SPTBN1: variants seen among roughly 807,000 people sequenced by gnomAD.
SPTBN1 encodes the protein spectrin beta, non-erythrocytic 1.
A neutral mutation model predicts 266.4 loss-of-function variants in SPTBN1; 32 were observed. The observed-to-expected ratio is 0.12, with a 90% CI of 0.09 to 0.16. The LOEUF (loss-of-function observed/expected upper bound fraction) is 0.16. Among genes scored for constraint, SPTBN1 ranks in the 10% least tolerant of loss-of-function variants. SPTBN1 has a pLI of 1.00. For synonymous variants in SPTBN1, 1,336 were observed against 1,162.2 expected, an observed-to-expected ratio of 1.15 and a Z score of -3.04; for missense variants, 2,296 against 3,067.1, an observed-to-expected ratio of 0.75 and a Z score of 5.94.
At chr2:54,526,696 G>C in intron 2 of SPTBN1, 130 bp downstream of exon 2, 1 of 1,169,072 alleles carries the variant, frequency 8.6e-7, no homozygotes, top group Non-Finnish European at 1.1e-6. Context: ...ATGTGTCCTT[G>C]AGAGCCAGCT....
intron 32 of SPTBN1, chr2:54,661,868 A>G (rs1681070316): frequency 2.0e-6 from 2 of 985,324 alleles, no homozygotes; most frequent in African/African-American, 3.5e-5. Flanking sequence ...TGATGTTCTT[A>G]GCATTTGCTA....
rs1220933022 is a variant in SPTBN1 at position 54,465,637 on chromosome 2, CTCAT to C, written c.-48+9120_-48+9123del. On this transcript the variant is annotated intron_variant, in intron 1 of 35. Transcript: ENST00000356805. ...TATGATGCATACATATCATGTTTATCTCATATATATATATATATATATATATATA... is the reference window on the plus strand; with the variant it reads ...TATGATGCATACATATCATGTTTATCATATATATATATATATATATATATA... Among the ~76,000 whole-genome samples the C allele has an allele frequency of 9.4e-3, 843 of 89,728 alleles. 19 individuals carry two copies. The highest frequency in any genetic ancestry group is 0.035 in the African/African-American group (775 of 22,444). 58.9% of individuals were successfully genotyped at this position (89,728 alleles called of 152,430 possible). A position where few individuals can be genotyped will look rare whatever the true frequency, so the allele number is the denominator to read the frequency against.
intron 3 of SPTBN1, among the ~76,000 whole-genome samples, chr2:54,606,734 G>A (rs1676868596): frequency 6.6e-6 from 1 of 152,158 alleles, no homozygotes; most frequent in Non-Finnish European, 1.5e-5. Context: ...GTGACTGCTG[G>A]CGGGGAGAGC....
intron 2 of SPTBN1, among the ~76,000 whole-genome samples, chr2:54,571,404 G>A (rs4671960): frequency 0.73 from 111,548 of 151,980 alleles, 41,561 homozygotes; most frequent in African/African-American, 0.86. Flanking sequence ...AGAGGATGAC[G>A]AGTTCACCGT....
In SPTBN1 at chr2:54,524,826, A is replaced by G. The variant is rs1034942965; in HGVS notation, c.-47-1546A>G. 2.0e-5 allele frequency among the ~76,000 whole-genome samples: 3 copies of G among 152,174 alleles called. No homozygotes were observed. The East Asian group carries it at 5.8e-4, about 29-fold the overall frequency. On this transcript the variant is annotated intron_variant, in intron 1 of 35. Transcript: ENST00000356805. Reference sequence around the variant, plus strand: ...TGCTATGCTGCTTCCTTTGCCTGAAACACTATTATTCTTGATCTGTGCGTG... The same window carrying G: ...TGCTATGCTGCTTCCTTTGCCTGAAGCACTATTATTCTTGATCTGTGCGTG...
Position 54,653,223 on chromosome 2 carries a change from C to A in SPTBN1, c.5578-386C>A. The A allele has an allele frequency of 5.9e-6, 1 of 170,870 alleles. No individual in the cohort carries two copies. 10.6% of individuals were successfully genotyped at this position (170,870 alleles called of 1,614,324 possible). On this transcript the variant is annotated intron_variant, in intron 26 of 35. Transcript: ENST00000356805. This position sits in a 1 kb window ranked among gnomAD's most constrained non-coding sequence, Gnocchi z 5.1. The stretch of plus-strand genomic sequence containing the variant: ...AAAATGTGCTCTTCATGGCAGTTTC[C>A]CATTCATCATAAAAACATTTATCTT...
chr2:54,493,740 A>G (rs1450835332), intron 1 of SPTBN1, among the ~76,000 whole-genome samples: 1 of 152,202 alleles, frequency 6.6e-6, no homozygotes, highest in Non-Finnish European at 1.5e-5. Flanking sequence ...AAAATTGAAG[A>G]AGAGGGTCCA....
At chr2:54,518,522 A>AG (rs2104272744) in intron 1 of SPTBN1, among the ~76,000 whole-genome samples, 1 of 152,042 alleles carries the variant, frequency 6.6e-6, no homozygotes, top group African/African-American at 2.4e-5. Context: ...CAGTTGAGAT[A>AG]GTTGAAGCAA....
chr2:54,600,713 GA>G (rs1260252879), intron 3 of SPTBN1, among the ~76,000 whole-genome samples: 4 of 126,664 alleles, frequency 3.2e-5, no homozygotes, highest in African/African-American at 9.6e-5. Flanking sequence ...TTTATTTATT[GA>G]TTTTTTTTTT....
At chr2:54,521,101 C>T (rs1319756988) in intron 1 of SPTBN1, among the ~76,000 whole-genome samples, 1 of 152,212 alleles carries the variant, frequency 6.6e-6, no homozygotes, top group East Asian at 1.9e-4. Context: ...TAGATAACCT[C>T]CTGGGACACC....
chr2:54,607,720 T>A (rs1676941418), intron 3 of SPTBN1, among the ~76,000 whole-genome samples: 1 of 152,196 alleles, frequency 6.6e-6, no homozygotes, highest in Non-Finnish European at 1.5e-5. Context: ...CATTTATGGA[T>A]TTTGGTATCA....
chr2:54,609,416 C>T (rs1677069370), intron 3 of SPTBN1, among the ~76,000 whole-genome samples: 1 of 152,160 alleles, frequency 6.6e-6, no homozygotes, highest in Non-Finnish European at 1.5e-5. Flanking sequence ...AACATCTGGA[C>T]ATCATTTTCT....
intron 2 of SPTBN1, 61 bp downstream of exon 2, chr2:54,526,627 A>G: frequency 6.4e-7 from 1 of 1,564,030 alleles, no homozygotes; most frequent in Non-Finnish European, 8.7e-7. Flanking sequence ...GCCCCTTAAA[A>G]TCATCCACCC....
At position 54,504,437 on chromosome 2, in the gene SPTBN1, A is replaced by G. The variant is rs140607355; in HGVS notation, c.-47-21935A>G. On this transcript the variant is annotated intron_variant, in intron 1 of 35. Transcript: ENST00000356805. Reference sequence around the variant, plus strand: ...GGCCCCCTGTATCCATGGCTTCTGCATCTGTGAATTCAACCAACCATGGAT... The same window carrying G: ...GGCCCCCTGTATCCATGGCTTCTGCGTCTGTGAATTCAACCAACCATGGAT... Among the ~76,000 whole-genome samples, 36 of 152,318 alleles carry G rather than the reference A, an allele frequency of 2.4e-4. 1 individual carries two copies. The East Asian group carries it at 6.9e-3, about 29-fold the overall frequency.
At position 54,540,253 on chromosome 2, in the gene SPTBN1, T is replaced by C. The variant is rs1405287885; in HGVS notation, c.148+13687T>C. Among the ~76,000 whole-genome samples, 1 of 152,210 alleles carries C rather than the reference T, an allele frequency of 6.6e-6. No homozygotes were observed. The highest frequency in any genetic ancestry group is 1.5e-5 in the Non-Finnish European group (1 of 68,038). On this transcript the variant is annotated intron_variant, in intron 2 of 35. Transcript: ENST00000356805. The surrounding 1 kb of genome is among the most constrained non-coding windows in gnomAD (Gnocchi z 5.6). Reference sequence around the variant, plus strand: ...AATAAACAGAAGTAAGACCAGCTGATTGATAGAATCCTGGAGTTTAATCTT... The same window carrying C: ...AATAAACAGAAGTAAGACCAGCTGACTGATAGAATCCTGGAGTTTAATCTT...
chr2:54,463,609 A>G (rs1410799639), intron 1 of SPTBN1, among the ~76,000 whole-genome samples: 1 of 152,258 alleles, frequency 6.6e-6, no homozygotes, highest in Non-Finnish European at 1.5e-5. Context: ...AGTATCTACC[A>G]CATAGGATTA....
At chr2:54,657,806 G>T (rs1451481335) in intron 29 of SPTBN1, 44 bp from the exon 30 acceptor site, 1 of 1,612,118 alleles carries the variant, frequency 6.2e-7, no homozygotes, top group Non-Finnish European at 8.5e-7. Context: ...TGACTGCCCG[G>T]CACCTCCTGG....
Position 54,649,015 on chromosome 2 carries a change from T to G in SPTBN1, c.5027T>G (p.Val1676Gly). 1 of 1,613,534 alleles carries G rather than the reference T, an allele frequency of 6.2e-7. No individual in the cohort carries two copies. The highest frequency in any genetic ancestry group is 8.5e-7 in the Non-Finnish European group (1 of 1,179,620). Reference protein sequence around the residue: ...SERISMRQSKVDKLYAGLKDL... With the variant: ...SERISMRQSKGDKLYAGLKDL... ...CGCATTAGCATGCGGCAGTCCAAAGTGGATAAACTGTACGCTGGTCTGAAA... is the reference window on the plus strand; with the variant it reads ...CGCATTAGCATGCGGCAGTCCAAAGGGGATAAACTGTACGCTGGTCTGAAA... The change falls in exon 25 of 36, where the codon GTG (valine) becomes GGG (glycine). Residue 1676 changes from valine (V) to glycine (G), a missense_variant. Coordinates refer to ENST00000356805, the MANE Select transcript of SPTBN1 (RefSeq NM_003128.3). The surrounding 1 kb of genome is among the most constrained non-coding windows in gnomAD (Gnocchi z 6.7).
At chr2:54,532,893 T>C (rs1201334404) in intron 2 of SPTBN1, among the ~76,000 whole-genome samples, 2 of 152,218 alleles carry the variant, frequency 1.3e-5, no homozygotes, top group Admixed American at 1.3e-4. Context: ...CTAGCACAAA[T>C]TTCTTTCCTT....
Sources: allele counts gnomAD v4.1 joint callset (sites outside exome capture counted in the v4.1 genomes callset), GRCh38; gene constraint gnomAD v4.1.1; non-coding constraint Gnocchi (gnomAD v3.1); transcripts MANE v1.5; gene names NCBI Gene and HGNC (gene_info 2026-07-23, HGNC 2026-07-21).